The following GRM3 variants were observed in gnomAD, a reference collection of about 807,000 sequenced individuals.
GRM3 encodes the protein metabotropic glutamate receptor 3.
In GRM3, 26 loss-of-function variants were observed where a neutral mutation model predicts 70.5. That is an observed-to-expected ratio of 0.37 (90% confidence interval 0.27 to 0.51). The LOEUF (loss-of-function observed/expected upper bound fraction) is 0.51. Ranked by LOEUF, GRM3 falls within the 20% of genes least tolerant of loss-of-function variation. The pLI, the probability that GRM3 is intolerant of heterozygous loss-of-function variation, is 0.93. For missense variants in GRM3, 859 were observed against 1,123.8 expected (o/e 0.76, Z 3.37); for synonymous variants, 443 against 434.9 (o/e 1.02, Z -0.23).
chr7:86,757,545 A>T (rs1478301746), intron 1 of GRM3, among the ~76,000 whole-genome samples: 1 of 152,168 alleles, frequency 6.6e-6, no homozygotes, highest in East Asian at 1.9e-4. Context: ...TACCTCTCGG[A>T]TATGTCTGCC....
intron 1 of GRM3, among the ~76,000 whole-genome samples, chr7:86,653,631 T>C (rs1021855005): frequency 6.6e-6 from 1 of 152,116 alleles, no homozygotes; most frequent in African/African-American, 2.4e-5. Context: ...ACACATCTTT[T>C]GGATATTCTT....
intron 3 of GRM3, among the ~76,000 whole-genome samples, chr7:86,818,478 C>T (rs1798058956): frequency 6.6e-6 from 1 of 152,008 alleles, no homozygotes; most frequent in Non-Finnish European, 1.5e-5. Context: ...CATGGCTCCA[C>T]CTTTTCTATG....
In GRM3 at chr7:86,839,158, T is replaced by C. The variant is rs1798513520; in HGVS notation, c.1644T>C (p.Asp548=). 6.2e-7 allele frequency: 1 copy of C among 1,613,904 alleles called. No homozygotes were observed. The highest frequency in any genetic ancestry group is 1.1e-5 in the South Asian group (1 of 91,084). The change falls in exon 4 of 6, where the codon GAT becomes GAC. Residue 548 remains aspartate (D), a synonymous_variant. Coordinates refer to ENST00000361669, the MANE Select transcript of GRM3 (RefSeq NM_000840.3). The surrounding 1 kb of genome is among the most constrained non-coding windows in gnomAD (Gnocchi z 4.5). ...TGGCTGATGAGTTTACCTGTATGGA[T>C]TGTGGGTCTGGACAGTGGCCCACTG... ...EYLADEFTCM[D]CGSGQWPTAD... is the part of the protein sequence containing the mutation.
At chr7:86,807,516 G>T (rs1797820859) in intron 3 of GRM3, among the ~76,000 whole-genome samples, 1 of 151,536 alleles carries the variant, frequency 6.6e-6, no homozygotes, top group Non-Finnish European at 1.5e-5. Flanking sequence ...AATTGTGAAT[G>T]GGAGTTCACT....
intron 1 of GRM3, among the ~76,000 whole-genome samples, chr7:86,670,876 T>C (rs777563858): frequency 2.0e-5 from 3 of 152,192 alleles, no homozygotes; most frequent in Non-Finnish European, 4.4e-5. Context: ...TCTCAGAAGA[T>C]ATACTGTGTT....
intron 3 of GRM3, among the ~76,000 whole-genome samples, chr7:86,795,640 T>G (rs997706763): frequency 1.3e-5 from 2 of 152,204 alleles, no homozygotes; most frequent in Non-Finnish European, 2.9e-5. Context: ...ATGGTGTATA[T>G]GTACCACATT....
intron 1 of GRM3, among the ~76,000 whole-genome samples, chr7:86,652,140 T>A (rs1013357471): frequency 3.3e-5 from 5 of 152,246 alleles, no homozygotes; most frequent in African/African-American, 1.2e-4. Context: ...ATGCAGTAAT[T>A]TGAAAGGAAA....
At chr7:86,785,902 G>A (rs1202237976) in intron 2 of GRM3, among the ~76,000 whole-genome samples, 1 of 151,912 alleles carries the variant, frequency 6.6e-6, no homozygotes, top group African/African-American at 2.4e-5. Flanking sequence ...GTAGTTCATT[G>A]CTTGAGCTAT....
At chr7:86,683,918 G>C (rs1461978817) in intron 1 of GRM3, among the ~76,000 whole-genome samples, 1 of 152,078 alleles carries the variant, frequency 6.6e-6, no homozygotes, top group Non-Finnish European at 1.5e-5. Context: ...AGTCATAAAT[G>C]ACCACTTTCC....
chr7:86,792,331 CTGTCAGAGTGATG>C (rs1303629156), intron 3 of GRM3, among the ~76,000 whole-genome samples: 1 of 152,168 alleles, frequency 6.6e-6, no homozygotes, highest in Admixed American at 6.5e-5. Flanking sequence ...ATGAACTCAA[CTGTCAGAGTGATG>C]TGGTAACTGG....
intron 1 of GRM3, among the ~76,000 whole-genome samples, chr7:86,750,938 A>G (rs923594463): frequency 1.3e-5 from 2 of 152,116 alleles, no homozygotes; most frequent in Non-Finnish European, 2.9e-5. Flanking sequence ...TTGTGTGAAC[A>G]TTTTAAATAT....
chr7:86,772,618 T>C (rs544580826), intron 2 of GRM3, among the ~76,000 whole-genome samples: 1 of 152,204 alleles, frequency 6.6e-6, no homozygotes, highest in East Asian at 1.9e-4. Flanking sequence ...TGTCCTCTTA[T>C]CTAGCTGTCT....
chr7:86,757,335 C>T (rs1188651150), intron 1 of GRM3, among the ~76,000 whole-genome samples: 2 of 152,136 alleles, frequency 1.3e-5, no homozygotes, highest in African/African-American at 2.4e-5. Flanking sequence ...TAAATAAATA[C>T]TGGTGGATCA....
chr7:86,717,511 G>T (rs1042038863), intron 1 of GRM3, among the ~76,000 whole-genome samples: 2 of 151,838 alleles, frequency 1.3e-5, no homozygotes, highest in Non-Finnish European at 2.9e-5. Flanking sequence ...ATCTAACTTT[G>T]TCACTGATAA....
intron 1 of GRM3, among the ~76,000 whole-genome samples, chr7:86,720,345 A>G (rs1263873187): frequency 6.6e-6 from 1 of 152,052 alleles, no homozygotes; most frequent in African/African-American, 2.4e-5. Flanking sequence ...GGCATGTTGT[A>G]CTTCAGGTAC....
At chr7:86,816,490 T>C (rs748506054) in intron 3 of GRM3, among the ~76,000 whole-genome samples, 2 of 151,858 alleles carry the variant, frequency 1.3e-5, no homozygotes, top group Non-Finnish European at 2.9e-5. Flanking sequence ...TTTTCTTCTT[T>C]GTGTTCTATA....
chr7:86,644,925 C>T (rs977693824), intron 1 of GRM3, 53 bp downstream of exon 1: 11 of 1,064,540 alleles, frequency 1.0e-5, no homozygotes, highest in African/African-American at 3.3e-5. Flanking sequence ...AGCCAGGGCG[C>T]GGAAGCTCGG....
intron 1 of GRM3, among the ~76,000 whole-genome samples, chr7:86,702,738 G>A (rs1794971712): frequency 1.3e-5 from 2 of 151,792 alleles, no homozygotes; most frequent in Admixed American, 1.3e-4. Context: ...TTATAACATA[G>A]TATTTTGGCC....
At chr7:86,653,980 C>G (rs987535580) in intron 1 of GRM3, among the ~76,000 whole-genome samples, 1 of 152,320 alleles carries the variant, frequency 6.6e-6, no homozygotes, top group African/African-American at 2.4e-5. Flanking sequence ...ACTCTCCCCA[C>G]TGCCCTCTAG....
Sources: allele counts gnomAD v4.1 joint callset (sites outside exome capture counted in the v4.1 genomes callset), GRCh38; gene constraint gnomAD v4.1.1; non-coding constraint Gnocchi (gnomAD v3.1); transcripts MANE v1.5; gene names NCBI Gene and HGNC (gene_info 2026-07-23, HGNC 2026-07-21).